The following PIEZO2 variants were observed in gnomAD, a reference collection of about 807,000 sequenced individuals.
PIEZO2 encodes the protein piezo-type mechanosensitive ion channel component 2.
A neutral mutation model predicts 337.3 loss-of-function variants in PIEZO2; 172 were observed. The ratio of observed to expected loss-of-function variants is 0.51; its 90% CI spans 0.45 to 0.58. The LOEUF (loss-of-function observed/expected upper bound fraction) is 0.58. Ranked by LOEUF, PIEZO2 falls within the 20% of genes least tolerant of loss-of-function variation. PIEZO2 has a pLI of 0.00. For synonymous variants in PIEZO2, 1,251 were observed against 1,228.5 expected, an observed-to-expected ratio of 1.02 and a Z score of -0.38; for missense variants, 3,028 against 3,391.3, an observed-to-expected ratio of 0.89 and a Z score of 2.66.
Position 10,682,289 on chromosome 18 carries a change from A to G in PIEZO2, c.7501T>C (p.Tyr2501His), listed in dbSNP as rs977763206. 1.3e-6 allele frequency: 2 copies of G among 1,534,754 alleles called. No homozygotes were observed. The highest frequency in any genetic ancestry group is 1.4e-5 in the African/African-American group (1 of 73,038). Reference sequence around the variant, plus strand: ...TTCTTCTGGCCCCGTGGCTGAGGGTATCTCTGCAACAGAGAGTTCAGACAA... The same window carrying G: ...TTCTTCTGGCCCCGTGGCTGAGGGTGTCTCTGCAACAGAGAGTTCAGACAA... ...LKCWRESEKR[Y>H]PQPRGQKKKK... Residue 2501 changes from tyrosine (Y) to histidine (H), a missense_variant, in exon 50 of 56, where the codon TAC becomes CAC. This residue lies in a region of PIEZO2 where 179 missense variants were observed against 281.8 expected (regional missense o/e 0.64). Transcript: ENST00000674853. The surrounding 1 kb of genome is among the most constrained non-coding windows in gnomAD (Gnocchi z 5.6).
rs564819937 is a variant in PIEZO2 at position 11,103,935 on chromosome 18, C to T, written c.65-37713G>A. On this transcript the variant is annotated intron_variant, in intron 1 of 55. Coordinates refer to ENST00000674853, the MANE Select transcript of PIEZO2 (RefSeq NM_001378183.1). Reference sequence around the variant, plus strand: ...CAGCCTCGTGGGTTCAAGCGATTCTCCTGCCTCAGCCTCCCGAGTAGCTGG... The same window carrying T: ...CAGCCTCGTGGGTTCAAGCGATTCTTCTGCCTCAGCCTCCCGAGTAGCTGG... Among the ~76,000 whole-genome samples the T allele has an allele frequency of 7.0e-4, 106 of 152,192 alleles. 1 individual carries two copies. Among genetic ancestry groups the T allele is most frequent in the African/African-American group, 2.4e-3 (98 of 41,528 alleles).
chr18:10,709,404 C>T (rs1435276403), intron 39 of PIEZO2: 1 of 152,248 alleles, frequency 6.6e-6, no homozygotes, highest in Non-Finnish European at 1.5e-5. Context: ...GCCCAAAGAT[C>T]CTCTACAGAA....
chr18:10,964,029 G>A (rs771161675), intron 3 of PIEZO2, among the ~76,000 whole-genome samples: 1 of 152,120 alleles, frequency 6.6e-6, no homozygotes, highest in Non-Finnish European at 1.5e-5. Flanking sequence ...CCTCAAAGAA[G>A]GCTGCCTTGT....
chr18:10,912,746 T>G (rs2030592711), intron 3 of PIEZO2, among the ~76,000 whole-genome samples: 1 of 152,208 alleles, frequency 6.6e-6, no homozygotes, highest in East Asian at 1.9e-4. Flanking sequence ...AGGACTGAAC[T>G]AGTCCCAAGA....
rs1466028586 is a variant in PIEZO2, at chr18:10,724,619, T to TCGG, written c.5030-6361_5030-6360insCCG. On this transcript the variant is annotated intron_variant, in intron 36 of 55. Transcript: ENST00000674853. The surrounding 1 kb of genome is among the most constrained non-coding windows in gnomAD (Gnocchi z 5.8). ...GCTGGATGTGACCCCCAAGACAGAA[T>TCGG]GGTGCTGGACTCGGGGTCTCAGGCG... is the stretch of plus-strand genomic sequence containing the variant. The TCGG allele has an allele frequency of 1.4e-4, 89 of 656,284 alleles. No individual in the cohort carries two copies. Among genetic ancestry groups the TCGG allele is most frequent in the Middle Eastern group, 7.7e-4 (3 of 3,914 alleles). 40.7% of individuals were successfully genotyped at this position (656,284 alleles called of 1,614,324 possible). A position where few individuals can be genotyped will look rare whatever the true frequency, so the allele number is the denominator to read the frequency against.
chr18:11,144,122 T>G (rs976206482), intron 1 of PIEZO2, among the ~76,000 whole-genome samples: 1 of 152,220 alleles, frequency 6.6e-6, no homozygotes, highest in South Asian at 2.1e-4. Flanking sequence ...TATCTCTGAC[T>G]ACGAACAAAC....
At chr18:10,777,332 A>G (rs1598465895) in intron 18 of PIEZO2, among the ~76,000 whole-genome samples, 1 of 152,214 alleles carries the variant, frequency 6.6e-6, no homozygotes, top group East Asian at 1.9e-4. Context: ...AGCTTTGTGC[A>G]ACTCCCAATG....
intron 3 of PIEZO2, among the ~76,000 whole-genome samples, chr18:10,928,043 G>T (rs1009560603): frequency 6.6e-6 from 1 of 152,104 alleles, no homozygotes. Flanking sequence ...CCATACACTG[G>T]TGTGGTGACG....
At chr18:11,006,802 T>G (rs1353800130) in intron 2 of PIEZO2, among the ~76,000 whole-genome samples, 1 of 152,184 alleles carries the variant, frequency 6.6e-6, no homozygotes, top group Non-Finnish European at 1.5e-5. Context: ...TGAAGTATGT[T>G]CTTAGTAAAA....
At chr18:11,090,710 G>A (rs548167435) in intron 1 of PIEZO2, among the ~76,000 whole-genome samples, 3 of 152,234 alleles carry the variant, frequency 2.0e-5, no homozygotes, top group Admixed American at 1.3e-4. Flanking sequence ...AGGAGATCAA[G>A]ACCATCCTGG....
chr18:11,114,432 G>A (rs549592378), intron 1 of PIEZO2, among the ~76,000 whole-genome samples: 121 of 152,328 alleles, frequency 7.9e-4, no homozygotes, highest in Non-Finnish European at 1.4e-3. Context: ...TTGGGAGGCC[G>A]AGGCAGGAGG....
chr18:10,979,142 T>G lies in PIEZO2; in HGVS notation c.286+393A>C, dbSNP rs1190605524. Among the ~76,000 whole-genome samples, 4 of 152,112 alleles carry G rather than the reference T, an allele frequency of 2.6e-5. No individual in the cohort carries two copies. Among genetic ancestry groups the G allele is most frequent in the Non-Finnish European group, 4.4e-5 (3 of 68,018 alleles). On this transcript the variant is annotated intron_variant, in intron 3 of 55. Transcript: ENST00000674853. This position sits in a 1 kb window ranked among gnomAD's most constrained non-coding sequence, Gnocchi z 4.0. Reference sequence around the variant, plus strand: ...TAGGATTAATGTCATAGTCATGTAATTTCATATAATATTATTCAACTTTTA... The same window carrying G: ...TAGGATTAATGTCATAGTCATGTAAGTTCATATAATATTATTCAACTTTTA...
At chr18:10,718,147 G>A in intron 37 of PIEZO2, 53 bp downstream of exon 37, 1 of 1,416,804 alleles carries the variant, frequency 7.1e-7, no homozygotes, top group South Asian at 1.2e-5. Flanking sequence ...TACGATCTGG[G>A]CAGGTATCAT....
At chr18:10,691,711 C>A (rs1191426557) in intron 47 of PIEZO2, among the ~76,000 whole-genome samples, 1 of 148,158 alleles carries the variant, frequency 6.7e-6, no homozygotes, top group Non-Finnish European at 1.5e-5. Context: ...CCAAATTAGA[C>A]TCCTGAAAGA....
chr18:10,713,411 T>C lies in PIEZO2; in HGVS notation c.5423+1353A>G, dbSNP rs1009624235. 7.9e-5 allele frequency among the ~76,000 whole-genome samples: 12 copies of C among 152,162 alleles called. No homozygotes were observed. The highest frequency in any genetic ancestry group is 2.9e-4 in the African/African-American group (12 of 41,428). On this transcript the variant is annotated intron_variant, in intron 39 of 55. Transcript: ENST00000674853. This position sits in a 1 kb window ranked among gnomAD's most constrained non-coding sequence, Gnocchi z 4.5. ...TGTAATTCCAACATCCAGTTGTCTATTTTGGGTTTGATATCAATAAAATGG... is the reference window on the plus strand; with the variant it reads ...TGTAATTCCAACATCCAGTTGTCTACTTTGGGTTTGATATCAATAAAATGG...
At chr18:10,741,892 G>A (rs544443125) in intron 32 of PIEZO2, among the ~76,000 whole-genome samples, 81 of 152,120 alleles carry the variant, frequency 5.3e-4, no homozygotes, top group Non-Finnish European at 5.7e-4. Flanking sequence ...GGTGGCTCAC[G>A]CCTGTAATCC....
Position 11,121,136 on chromosome 18 carries a change from C to T in PIEZO2, c.64+27389G>A, listed in dbSNP as rs111805227. 1.1e-4 allele frequency among the ~76,000 whole-genome samples: 16 copies of T among 152,142 alleles called. 1 individual carries two copies. The highest frequency in any genetic ancestry group is 3.9e-4 in the African/African-American group (16 of 41,502). On this transcript the variant is annotated intron_variant, in intron 1 of 55. Coordinates refer to ENST00000674853, the MANE Select transcript of PIEZO2 (RefSeq NM_001378183.1). ...GGTGTGGTGATGCACGCCTGTAGTT[C>T]CACCTACTCGGGAGGCTAGGCATGA...
intron 4 of PIEZO2, among the ~76,000 whole-genome samples, chr18:10,885,511 T>A (rs971437485): frequency 6.6e-6 from 1 of 152,078 alleles, no homozygotes; most frequent in Non-Finnish European, 1.5e-5. Context: ...GTGAAGTATG[T>A]GGTGGGGTTT....
chr18:10,672,505 G>GTTT lies in PIEZO2; in HGVS notation c.8345+182_8345+184dup, dbSNP rs1236555433. ...CTGGGCTGTGTGAGTCACACTGGGA[G>GTTT]TTTTGATCTCTTTGGGACTCTGGTG... On this transcript the variant is annotated intron_variant, in intron 55 of 55. Transcript: ENST00000674853. The surrounding 1 kb of genome is among the most constrained non-coding windows in gnomAD (Gnocchi z 4.7). 6.6e-6 allele frequency among the ~76,000 whole-genome samples: 1 copy of GTTT among 152,198 alleles called. No homozygotes were observed. Among genetic ancestry groups the GTTT allele is most frequent in the East Asian group, 1.9e-4 (1 of 5,202 alleles).
Sources: allele counts gnomAD v4.1 joint callset (sites outside exome capture counted in the v4.1 genomes callset), GRCh38; gene constraint gnomAD v4.1.1; regional missense constraint gnomAD v4.1.1; non-coding constraint Gnocchi (gnomAD v3.1); transcripts MANE v1.5; gene names NCBI Gene and HGNC (gene_info 2026-07-23, HGNC 2026-07-21).